Variants in PHACTR2 observed in about 807,000 individuals in gnomAD.
PHACTR2 encodes the protein chromosome 6 open reading frame 56.
Under a neutral mutation model 76.0 loss-of-function variants are expected in PHACTR2, and 30 were observed. The ratio of observed to expected loss-of-function variants is 0.39; its 90% CI spans 0.30 to 0.54. PHACTR2 has a LOEUF of 0.54. Among genes scored for constraint, PHACTR2 ranks in the 20% least tolerant of loss-of-function variants. The pLI is 0.61. For missense variants in PHACTR2, 696 were observed against 781.1 expected (o/e 0.89, Z 1.30); for synonymous variants, 292 against 292.5 (o/e 1.00, Z 0.02).
chr6:143,722,912 C>T lies in PHACTR2; in HGVS notation c.214+10729C>T, dbSNP rs35965308. ...TAACATAATGTCCTTCAGTTCCATCCGTGTTGCTACAAATGACAGAATTTT... is the reference window on the plus strand; with the variant it reads ...TAACATAATGTCCTTCAGTTCCATCTGTGTTGCTACAAATGACAGAATTTT... On this transcript the variant is annotated intron_variant, in intron 2 of 12. Coordinates refer to ENST00000440869, the MANE Select transcript of PHACTR2 (RefSeq NM_001100164.2). The surrounding 1 kb of genome is among the most constrained non-coding windows in gnomAD (Gnocchi z 4.1). 0.14 allele frequency among the ~76,000 whole-genome samples: 21,438 copies of T among 152,142 alleles called. 1,668 individuals are homozygous for T. Among genetic ancestry groups the T allele is most frequent in the African/African-American group, 0.2 (8,438 of 41,484 alleles).
At chr6:143,668,502 C>T (rs1424808609) in intron 1 of PHACTR2, among the ~76,000 whole-genome samples, 3 of 152,092 alleles carry the variant, frequency 2.0e-5, no homozygotes, top group African/African-American at 7.2e-5. Context: ...TCTGTCTGGT[C>T]CTGGGCTGTT....
chr6:143,773,996 T>A, intron 7 of PHACTR2, 63 bp from the exon 8 acceptor site: 1 of 1,453,758 alleles, frequency 6.9e-7, no homozygotes, highest in Non-Finnish European at 9.5e-7. Flanking sequence ...ATGCCATGTG[T>A]AACCTGAGTG....
chr6:143,686,114 AG>A (rs1368948680), intron 1 of PHACTR2, among the ~76,000 whole-genome samples: 1 of 149,720 alleles, frequency 6.7e-6, no homozygotes, highest in Non-Finnish European at 1.5e-5. Flanking sequence ...CCTGGACGAC[AG>A]AGTGAGATTC....
At chr6:143,770,901 A>T (rs1775083745) in intron 6 of PHACTR2, among the ~76,000 whole-genome samples, 1 of 145,760 alleles carries the variant, frequency 6.9e-6, no homozygotes, top group Admixed American at 7.0e-5. Flanking sequence ...TTCCTTGCAT[A>T]TCACCTTTTT....
rs11321214 is a variant in PHACTR2 at position 143,764,520 on chromosome 6, CAAAA to C, written c.695-727_695-724del. 9.0e-5 allele frequency among the ~76,000 whole-genome samples: 10 copies of C among 110,734 alleles called. No homozygotes were observed. Among genetic ancestry groups the C allele is most frequent in the Non-Finnish European group, 1.2e-4 (6 of 49,830 alleles). The allele number at this position is 110,734 out of a possible 152,430, so 72.6% of individuals were successfully genotyped here. A position where few individuals can be genotyped will look rare whatever the true frequency, so the allele number is the denominator to read the frequency against. ...TGGGCGACAGAACAAGACCTTGTCT[CAAAA>C]AAAAAAAAAAAAAGGAGCAACCCAT... On this transcript the variant is annotated intron_variant, in intron 5 of 12. Transcript: ENST00000440869. The surrounding 1 kb of genome is among the most constrained non-coding windows in gnomAD (Gnocchi z 4.7).
In PHACTR2 at chr6:143,549,355, G is replaced by A. The variant is rs1210309149; in HGVS notation, c.217+12148G>A. 9.2e-5 allele frequency among the ~76,000 whole-genome samples: 14 copies of A among 152,050 alleles called. No individual in the cohort carries two copies. The highest frequency in any genetic ancestry group is 2.1e-4 in the South Asian group (1 of 4,820). ...GGATTCAGAGGCCTGCTCGGGGTGC[G>A]GGATGGCATTCCTTTGGCTTAATCT... On this transcript the variant is annotated intron_variant, in intron 1 of 11. Transcript: ENST00000367584. This position sits in a 1 kb window ranked among gnomAD's most constrained non-coding sequence, Gnocchi z 4.2.
rs542450926 is a variant in PHACTR2 at position 143,823,919 on chromosome 6, C to T, written c.*230C>T. On this transcript the variant is annotated 3_prime_UTR_variant, in exon 13 of 13. Transcript: ENST00000440869. The surrounding 1 kb of genome is among the most constrained non-coding windows in gnomAD (Gnocchi z 5.7). ...GACTCTTGCTGCCCAGAATGCACAG[C>T]GATGGTAAGAGACACCGTGGATATT... 9.1e-6 allele frequency: 4 copies of T among 437,470 alleles called. No homozygotes were observed. The South Asian group carries it at 1.3e-4, about 14-fold the overall frequency. The allele number at this position is 437,470 out of a possible 1,614,324, so 27.1% of individuals were successfully genotyped here.
rs1310327640 is a variant in PHACTR2, at chr6:143,821,564, T to C, written c.1923-2110T>C. Among the ~76,000 whole-genome samples, 1 of 152,196 alleles carries C rather than the reference T, an allele frequency of 6.6e-6. No homozygotes were observed. Among genetic ancestry groups the C allele is most frequent in the Non-Finnish European group, 1.5e-5 (1 of 68,046 alleles). ...TCCAAAGATTATATAATGTAAGCAA[T>C]AACTGGCATAAGCCAAAGGTTATGG... On this transcript the variant is annotated intron_variant, in intron 12 of 12. Coordinates refer to ENST00000440869, the MANE Select transcript of PHACTR2 (RefSeq NM_001100164.2). This position sits in a 1 kb window ranked among gnomAD's most constrained non-coding sequence, Gnocchi z 5.2.
In PHACTR2 at chr6:143,682,126, C is replaced by T. The variant is rs138231342; in HGVS notation, c.46+3917C>T. On this transcript the variant is annotated intron_variant, in intron 1 of 12. Coordinates refer to ENST00000440869, the MANE Select transcript of PHACTR2 (RefSeq NM_001100164.2). ...AAAAAGCCAATTAGAGTTTTGATAGCAATGATATTGAACCTGTAGATCAAT... is the reference window on the plus strand; with the variant it reads ...AAAAAGCCAATTAGAGTTTTGATAGTAATGATATTGAACCTGTAGATCAAT... 6.8e-4 allele frequency among the ~76,000 whole-genome samples: 103 copies of T among 152,348 alleles called. 1 individual carries two copies. In the East Asian group the frequency reaches 0.019, roughly 28 times the overall value.
chr6:143,820,397 A>G lies in PHACTR2; in HGVS notation c.1923-3277A>G, dbSNP rs989646101. Among the ~76,000 whole-genome samples the G allele has an allele frequency of 6.6e-6, 1 of 152,206 alleles. No homozygotes were observed. Among genetic ancestry groups the G allele is most frequent in the African/African-American group, 2.4e-5 (1 of 41,446 alleles). ...ATAAAAAACAAGTAAGTTATTTCCA[A>G]GATATGGTGGAGATCTATACTGGGT... is the stretch of plus-strand genomic sequence containing the variant. On this transcript the variant is annotated intron_variant, in intron 12 of 12. Coordinates refer to ENST00000440869, the MANE Select transcript of PHACTR2 (RefSeq NM_001100164.2). The surrounding 1 kb of genome is among the most constrained non-coding windows in gnomAD (Gnocchi z 4.2).
intron 3 of PHACTR2, among the ~76,000 whole-genome samples, chr6:143,752,761 TAG>T (rs1038342325): frequency 6.6e-6 from 1 of 152,090 alleles, no homozygotes; most frequent in Admixed American, 6.5e-5. Context: ...AAGATAAGAG[TAG>T]TAAAAAATTG....
At position 143,733,016 on chromosome 6, in the gene PHACTR2, A is replaced by G. The variant is rs990799798; in HGVS notation, c.215-15969A>G. ...GCAATCCTCCTGCCTCAGCCTCCCA[A>G]GTTGCTAGGACCAAAGGCATGCACC... On this transcript the variant is annotated intron_variant, in intron 2 of 12. Transcript: ENST00000440869. The surrounding 1 kb of genome is among the most constrained non-coding windows in gnomAD (Gnocchi z 4.0). Among the ~76,000 whole-genome samples the G allele has an allele frequency of 2.6e-5, 4 of 152,164 alleles. No individual in the cohort carries two copies. Among genetic ancestry groups the G allele is most frequent in the Non-Finnish European group, 5.9e-5 (4 of 67,998 alleles).
intron 7 of PHACTR2, among the ~76,000 whole-genome samples, chr6:143,773,391 G>A (rs1019360516): frequency 6.6e-6 from 1 of 152,044 alleles, no homozygotes; most frequent in African/African-American, 2.4e-5. Context: ...GATATGGAAA[G>A]TGCTTTTATT....
rs144578850 is a variant in PHACTR2, at chr6:143,730,936, C to T, written c.215-18049C>T. 1.1e-4 allele frequency among the ~76,000 whole-genome samples: 17 copies of T among 152,144 alleles called. No homozygotes were observed. Among genetic ancestry groups the T allele is most frequent in the Non-Finnish European group, 1.9e-4 (13 of 67,990 alleles). Reference sequence around the variant, plus strand: ...CTAATTTTTGTATTTTTAGTAGAGACGGGGTTTCACTATGTTGGCCCCAGG... The same window carrying T: ...CTAATTTTTGTATTTTTAGTAGAGATGGGGTTTCACTATGTTGGCCCCAGG... On this transcript the variant is annotated intron_variant, in intron 2 of 12. Transcript: ENST00000440869. This position sits in a 1 kb window ranked among gnomAD's most constrained non-coding sequence, Gnocchi z 4.8.
chr6:143,586,057 T>C (rs1775626295), intron 1 of PHACTR2, among the ~76,000 whole-genome samples: 4 of 152,210 alleles, frequency 2.6e-5, no homozygotes, highest in Admixed American at 2.6e-4. Flanking sequence ...GTTATTTTTT[T>C]TCTGGTGGTA....
At chr6:143,778,997 G>A (rs1340238547) in intron 9 of PHACTR2, among the ~76,000 whole-genome samples, 4 of 151,966 alleles carry the variant, frequency 2.6e-5, no homozygotes, top group Non-Finnish European at 5.9e-5. Flanking sequence ...TTTGACTCCA[G>A]CCCTTTTTTT....
intron 1 of PHACTR2, among the ~76,000 whole-genome samples, chr6:143,555,461 C>A (rs2128428035): frequency 6.6e-6 from 1 of 152,206 alleles, no homozygotes; most frequent in Middle Eastern, 3.4e-3. Context: ...AACCCTCAAT[C>A]CTTGGTATTA....
Position 143,741,947 on chromosome 6 carries a change from C to CA in PHACTR2, c.215-7030dup, listed in dbSNP as rs1327453735. Among the ~76,000 whole-genome samples the CA allele has an allele frequency of 1.1e-4, 16 of 151,318 alleles. 1 individual carries two copies. Among genetic ancestry groups the CA allele is most frequent in the African/African-American group, 3.2e-4 (13 of 41,268 alleles). On this transcript the variant is annotated intron_variant, in intron 2 of 12. Transcript: ENST00000440869. ...TGAAACCCCATCTCTACCAAAAATA[C>CA]AAAAAAAATTAGCTGGGCATGGTGG...
At chr6:143,613,819 G>T (rs1463826139) in intron 1 of PHACTR2, among the ~76,000 whole-genome samples, 1 of 152,088 alleles carries the variant, frequency 6.6e-6, no homozygotes, top group Admixed American at 6.5e-5. Context: ...AATTCCACAG[G>T]TTATTAAATA....
Sources: gnomAD v4.1 joint callset for allele counts (sites outside exome capture counted in the v4.1 genomes callset) on GRCh38, gnomAD v4.1.1 for gene constraint, Gnocchi (gnomAD v3.1) non-coding constraint, MANE v1.5 for transcripts, NCBI Gene and HGNC (gene_info 2026-07-23, HGNC 2026-07-21) for gene names.